The following KLHL29 variants were observed in gnomAD, a reference collection of about 807,000 sequenced individuals.
KLHL29 encodes kelch like family member 29.
A neutral mutation model predicts 80.4 loss-of-function variants in KLHL29; 21 were observed. The ratio of observed to expected loss-of-function variants is 0.26; its 90% confidence interval spans 0.19 to 0.38. The LOEUF is 0.38. KLHL29 is among the 10% of genes least tolerant of loss of function. The pLI is 1.00. For missense variants in KLHL29, 867 were observed against 1,223.9 expected, an observed-to-expected ratio of 0.71 and a Z score of 4.35; for synonymous variants, 511 against 526.8, an observed-to-expected ratio of 0.97 and a Z score of 0.41.
At chr2:23,532,343 G>A (rs1003493452) in intron 2 of KLHL29, among the ~76,000 whole-genome samples, 15 of 152,292 alleles carry the variant, frequency 9.8e-5, no homozygotes, top group South Asian at 2.1e-4. Flanking sequence ...AGACAACACC[G>A]GCTCACTGGC....
At chr2:23,591,516 C>T (rs1668259975) in intron 3 of KLHL29, among the ~76,000 whole-genome samples, 1 of 149,246 alleles carries the variant, frequency 6.7e-6, no homozygotes, top group East Asian at 2.0e-4. Context: ...CCCCCATGTT[C>T]CCATCCGCAT....
chr2:23,552,560 C>T (rs552086296), intron 2 of KLHL29, among the ~76,000 whole-genome samples: 6 of 152,218 alleles, frequency 3.9e-5, no homozygotes, highest in East Asian at 1.9e-4. Context: ...CTCTGCCAGA[C>T]GTTCTTCCCT....
At chr2:23,537,729 A>G (rs1343857657) in intron 2 of KLHL29, among the ~76,000 whole-genome samples, 1 of 152,156 alleles carries the variant, frequency 6.6e-6, no homozygotes, top group East Asian at 1.9e-4. Context: ...CACCTGCAAG[A>G]AGCTGCATGT....
At chr2:23,411,510 G>A (rs990106630) in intron 1 of KLHL29, among the ~76,000 whole-genome samples, 1 of 151,472 alleles carries the variant, frequency 6.6e-6, no homozygotes. Context: ...TGCCAAGGTA[G>A]GTAACATCCA....
chr2:23,499,520 T>G (rs1572358824), intron 2 of KLHL29, among the ~76,000 whole-genome samples: 1 of 152,322 alleles, frequency 6.6e-6, no homozygotes, highest in African/African-American at 2.4e-5. Context: ...TCCCTGGCTC[T>G]AGGGTAGCTA....
intron 2 of KLHL29, among the ~76,000 whole-genome samples, chr2:23,544,751 G>A (rs554465241): frequency 5.3e-5 from 8 of 152,124 alleles, no homozygotes; most frequent in South Asian, 4.1e-4. Context: ...GGATGGGCCC[G>A]GCACAGGGAG....
intron 1 of KLHL29, among the ~76,000 whole-genome samples, chr2:23,404,008 A>G (rs1346911517): frequency 6.6e-6 from 1 of 152,142 alleles, no homozygotes. Flanking sequence ...TGGTTCCATG[A>G]TAGTCTCCTT....
chr2:23,593,744 C>T (rs1668326430), intron 3 of KLHL29, among the ~76,000 whole-genome samples: 11 of 152,212 alleles, frequency 7.2e-5, no homozygotes, highest in Admixed American at 7.2e-4. Context: ...AAAGCCCTCC[C>T]AGGGGCTGCC....
intron 3 of KLHL29, among the ~76,000 whole-genome samples, chr2:23,615,806 A>G (rs1487048311): frequency 2.6e-5 from 4 of 152,170 alleles, no homozygotes; most frequent in African/African-American, 9.7e-5. Context: ...TGAAGTGACC[A>G]TGACCTTGTT....
chr2:23,666,475 C>T (rs546009794), intron 5 of KLHL29, among the ~76,000 whole-genome samples: 237 of 152,208 alleles, frequency 1.6e-3, no homozygotes, highest in Admixed American at 2.5e-3. Flanking sequence ...CAGTCTTTCT[C>T]GGGGACCAAG....
At chr2:23,500,001 G>C (rs139046390) in intron 2 of KLHL29, among the ~76,000 whole-genome samples, 17 of 152,288 alleles carry the variant, frequency 1.1e-4, no homozygotes, top group African/African-American at 3.4e-4. Context: ...ATTAATTTAC[G>C]TATGACCCTC....
intron 3 of KLHL29, among the ~76,000 whole-genome samples, chr2:23,624,500 G>C (rs1221939689): frequency 2.0e-5 from 3 of 152,144 alleles, no homozygotes; most frequent in Non-Finnish European, 4.4e-5. Flanking sequence ...CTCACTATCT[G>C]TATCTATGAG....
chr2:23,657,837 C>T (rs551737662), intron 5 of KLHL29, among the ~76,000 whole-genome samples: 5 of 152,318 alleles, frequency 3.3e-5, no homozygotes, highest in African/African-American at 7.2e-5. Flanking sequence ...CTGAGCCTTC[C>T]GGGCTCCTGA....
intron 3 of KLHL29, among the ~76,000 whole-genome samples, chr2:23,629,528 G>C (rs1176891099): frequency 6.6e-6 from 1 of 152,192 alleles, no homozygotes; most frequent in Non-Finnish European, 1.5e-5. Context: ...GGTTCTGCCA[G>C]ATTTATCATT....
chr2:23,553,481 T>G (rs1667179861), intron 2 of KLHL29, among the ~76,000 whole-genome samples: 2 of 152,196 alleles, frequency 1.3e-5, no homozygotes, highest in Admixed American at 1.3e-4. Context: ...TGTGAGGCCT[T>G]GGGTCCAGGC....
At chr2:23,603,596 C>T (rs648302) in intron 3 of KLHL29, among the ~76,000 whole-genome samples, 38,075 of 152,122 alleles carry the variant, frequency 0.25, 5,002 homozygotes, top group Middle Eastern at 0.41. Context: ...TGCTGATTTT[C>T]TAAAAGAGGG....
chr2:23,596,909 A>T lies in KLHL29; in HGVS notation c.285+34428A>T, dbSNP rs546259326. 6.6e-6 allele frequency among the ~76,000 whole-genome samples: 1 copy of T among 152,286 alleles called. No homozygotes were observed. Among genetic ancestry groups the T allele is most frequent in the African/African-American group, 2.4e-5 (1 of 41,564 alleles). On this transcript the variant is annotated intron_variant, in intron 3 of 13. Coordinates refer to ENST00000486442, the MANE Select transcript of KLHL29 (RefSeq NM_052920.2). This position sits in a 1 kb window ranked among gnomAD's most constrained non-coding sequence, Gnocchi z 4.4. The stretch of plus-strand genomic sequence containing the variant: ...CTACTTCTGGAGTGGTCCCAGCCAG[A>T]TAGGTGCCTGGGGATACAGGAAAGC...
chr2:23,551,910 A>G (rs985560275), intron 2 of KLHL29, among the ~76,000 whole-genome samples: 2 of 152,232 alleles, frequency 1.3e-5, no homozygotes, highest in African/African-American at 4.8e-5. Context: ...AGTAGGGAGG[A>G]GATAGGCCAC....
chr2:23,511,842 G>A (rs1665782393), intron 2 of KLHL29, among the ~76,000 whole-genome samples: 3 of 152,052 alleles, frequency 2.0e-5, no homozygotes, highest in African/African-American at 7.2e-5. Flanking sequence ...GGGGGTGGTG[G>A]GGGAACCCAG....
Sources: gnomAD v4.1 joint callset for allele counts (sites outside exome capture counted in the v4.1 genomes callset) on GRCh38, gnomAD v4.1.1 for gene constraint, Gnocchi (gnomAD v3.1) non-coding constraint, MANE v1.5 for transcripts, NCBI Gene and HGNC (gene_info 2026-07-23, HGNC 2026-07-21) for gene names.